HHATL: variants seen among roughly 807,000 people sequenced by gnomAD.
The protein encoded by HHATL is hedgehog acyltransferase like.
In HHATL, 49 loss-of-function variants were observed where a neutral mutation model predicts 59.7. The observed-to-expected ratio is 0.82, with a 90% CI of 0.65 to 1.04. HHATL has a LOEUF of 1.04. Among genes scored for constraint, HHATL ranks in the 50% least tolerant of loss-of-function variants. HHATL has a pLI of 0.00. For synonymous variants in HHATL, 238 were observed against 257.3 expected (o/e 0.93, Z 0.72); for missense variants, 605 against 650.8 (o/e 0.93, Z 0.77).
chr3:42,693,778 T>C lies in HHATL; in HGVS notation c.1087A>G (p.Ile363Val). 6.2e-7 allele frequency: 1 copy of C among 1,614,102 alleles called. No homozygotes were observed. The highest frequency in any genetic ancestry group is 1.7e-4 in the Middle Eastern group (1 of 6,042). The change falls in exon 10 of 12, where the codon ATC (isoleucine) becomes GTC (valine). Residue 363 changes from isoleucine to valine, a missense_variant. By Grantham distance (29) the Ile-to-Val change is conservative (BLOSUM62 3). Transcript: ENST00000441594. ...GCCACTGTGGCTGCCAGCTCTGGGA[T>C]CACAGCGGAATGCTCCCCACCAATG... ...NHIGGEHSAV[I>V]PELAATVATF...
rs776383535 is a variant in HHATL at position 42,697,593 on chromosome 3, G to C, written c.780C>G (p.Ala260=). 1.9e-6 allele frequency: 3 copies of C among 1,614,184 alleles called. No homozygotes were observed. Among genetic ancestry groups the C allele is most frequent in the Admixed American group, 1.7e-5 (1 of 60,024 alleles). The change falls in exon 7 of 12, where the codon GCC becomes GCG. Residue 260 remains alanine (A), a synonymous_variant. Coordinates refer to ENST00000441594, the MANE Select transcript of HHATL (RefSeq NM_020707.4). The part of the protein sequence containing the change: ...QAGLSVVAIM[A]VDIFFHFFYI... ...AGAAGAAGTGAAAGAAGATGTCGAC[G>C]GCCATGATGGCCACCACGCTTAGGC... is the stretch of plus-strand genomic sequence containing the variant.
At chr3:42,697,208 C>T (rs934548813) in intron 7 of HHATL, 63 bp from the exon 8 acceptor site, 1 of 1,496,144 alleles carries the variant, frequency 6.7e-7, no homozygotes, top group Admixed American at 2.4e-5. Flanking sequence ...CCATGAAGAC[C>T]CTGTCCCACC....
In HHATL at chr3:42,699,811, TC is replaced by T; in HGVS notation, c.120del (p.Lys41ArgfsTer26). On this transcript the variant is annotated frameshift_variant, in exon 3 of 12. Coordinates refer to ENST00000441594, the MANE Select transcript of HHATL (RefSeq NM_020707.4). LOFTEE classifies it high-confidence loss of function. ...GGTCGCACAGACTCCCGGAAGGCCT[TC>T]CTGTGGGCCCCATCTGAGAACAGAG... ...LLEASQDGAH[R>X]KAFRESVRPG... 6.4e-7 allele frequency: 1 copy of T among 1,566,478 alleles called. No individual in the cohort carries two copies.
At chr3:42,699,174 G>C in intron 3 of HHATL, 29 bp from the exon 4 acceptor site, 1 of 1,550,522 alleles carries the variant, frequency 6.4e-7, no homozygotes, top group South Asian at 1.1e-5. Context: ...GAAGGAGGTG[G>C]GGCAGGTGAG....
At position 42,702,242 on chromosome 3, in the gene HHATL, A is replaced by G. The variant is rs370237936; in HGVS notation, c.-14+337T>C. Among the ~76,000 whole-genome samples, 14 of 152,290 alleles carry G rather than the reference A, an allele frequency of 9.2e-5. No individual in the cohort carries two copies. The South Asian group carries it at 1.7e-3, about 18-fold the overall frequency. On this transcript the variant is annotated intron_variant, in intron 1 of 11. Transcript: ENST00000441594. ...CTGGGGATCAGGTTAATGGAGCAGG[A>G]GCTTGAAACCGGAGCATGGTGAAGA... is the stretch of plus-strand genomic sequence containing the variant.
chr3:42,698,779 G>T lies in HHATL; in HGVS notation c.412C>A (p.Pro138Thr), dbSNP rs1052695693. ...GLYVASLLGQ[P>T]WLCLGLGLAS... Reference sequence around the variant, plus strand: ...AAGCCAAGGCCAAGACAGAGCCAGGGCTGGCCCAAAAGCGAGGCCACATAG... The same window carrying T: ...AAGCCAAGGCCAAGACAGAGCCAGGTCTGGCCCAAAAGCGAGGCCACATAG... Residue 138 changes from proline (P) to threonine (T), a missense_variant, in exon 5 of 12, where the codon CCC becomes ACC. Pro to Thr is a conservative substitution (Grantham distance 38). Coordinates refer to ENST00000441594, the MANE Select transcript of HHATL (RefSeq NM_020707.4). 5 of 1,612,522 alleles carry T rather than the reference G, an allele frequency of 3.1e-6. No homozygotes were observed. Among genetic ancestry groups the T allele is most frequent in the Non-Finnish European group, 4.2e-6 (5 of 1,179,474 alleles).
chr3:42,699,142 CA>C lies in HHATL; in HGVS notation c.177del (p.Asp59GlufsTer8), dbSNP rs1183935814. On this transcript the variant is annotated frameshift_variant and splice_region_variant, in exon 4 of 12. Transcript: ENST00000441594. LOFTEE classifies it high-confidence loss of function. The part of the protein sequence containing the change: ...PGWEYIGRKM[D>X]VADFEWVMWF... The stretch of plus-strand genomic sequence containing the variant: ...CACATCACCCACTCGAAGTCAGCCA[CA>C]TCCTGGGGCAGTCCGGGGCAGAAGG... 4.3e-6 allele frequency: 7 copies of C among 1,613,144 alleles called. No individual in the cohort carries two copies. Among genetic ancestry groups the C allele is most frequent in the Non-Finnish European group, 5.9e-6 (7 of 1,179,258 alleles).
intron 1 of HHATL, among the ~76,000 whole-genome samples, chr3:42,702,198 G>A (rs547109379): frequency 6.6e-4 from 100 of 152,336 alleles, no homozygotes; most frequent in African/African-American, 2.3e-3. Context: ...CTCATCAGTT[G>A]GGTGGGGGTG....
intron 11 of HHATL, 62 bp downstream of exon 11, chr3:42,693,015 A>G (rs568800153): frequency 6.2e-7 from 1 of 1,602,646 alleles, no homozygotes; most frequent in African/African-American, 1.3e-5. Context: ...GCATTTTGGA[A>G]GGTCACGGTC....
rs1266477179 is a variant in HHATL at position 42,692,884 on chromosome 3, G to A, written c.1391-9C>T. On this transcript the variant is annotated splice_polypyrimidine_tract_variant and intron_variant, in intron 11 of 11. Coordinates refer to ENST00000441594, the MANE Select transcript of HHATL (RefSeq NM_020707.4). ...CGTGGTCTGGGGGAACCCTGTGTGG[G>A]GAGGGAGTCATAGATGCTCAGGAGC... 1 of 1,613,720 alleles carries A rather than the reference G, an allele frequency of 6.2e-7. No homozygotes were observed. The highest frequency in any genetic ancestry group is 1.7e-5 in the Admixed American group (1 of 60,022).
chr3:42,699,730 G>A, intron 3 of HHATL, 28 bp downstream of exon 3: 1 of 1,559,110 alleles, frequency 6.4e-7, no homozygotes, highest in Admixed American at 1.9e-5. Context: ...TTCGGGATGG[G>A]AGGGACCCTG....
chr3:42,697,776 T>TGGCTTTATCCA, intron 6 of HHATL, 97 bp from the exon 7 acceptor site: 2 of 1,304,030 alleles, frequency 1.5e-6, no homozygotes, highest in Non-Finnish European at 1.1e-6. Flanking sequence ...GGAGGAGCCA[T>TGGCTTTATCCA]GGCTTTATCC....
At position 42,699,803 on chromosome 3, in the gene HHATL, G is replaced by A; in HGVS notation, c.129C>T (p.Phe43=). The part of the protein sequence containing the change: ...ASQDGAHRKA[F]RESVRPGWEY... ...CCCAGCCAGGTCGCACAGACTCCCG[G>A]AAGGCCTTCCTGTGGGCCCCATCTG... Residue 43 remains phenylalanine, a synonymous_variant, in exon 3 of 12, where the codon TTC becomes TTT. Coordinates refer to ENST00000441594, the MANE Select transcript of HHATL (RefSeq NM_020707.4). 2 of 1,571,314 alleles carry A rather than the reference G, an allele frequency of 1.3e-6. No individual in the cohort carries two copies. Among genetic ancestry groups the A allele is most frequent in the South Asian group, 2.3e-5 (2 of 85,354 alleles).
Position 42,693,712 on chromosome 3 carries a change from T to C in HHATL, c.1153A>G (p.Ile385Val), listed in dbSNP as rs138118773. The change falls in exon 10 of 12, where the codon ATT becomes GTT. Residue 385 changes from isoleucine to valine, a missense_variant. Physicochemically the swap from Ile to Val is conservative, Grantham distance 29 (BLOSUM62 3). Transcript: ENST00000441594. Reference sequence around the variant, plus strand: ...TTAAGGAATGACCACAGGTAGACAATGTCACAAGGCCCAAGCCACAGTGTG... The same window carrying C: ...TTAAGGAATGACCACAGGTAGACAACGTCACAAGGCCCAAGCCACAGTGTG... ...ITTLWLGPCD[I>V]VYLWSFLNCF... 1.8e-5 allele frequency: 29 copies of C among 1,614,006 alleles called. No individual in the cohort carries two copies. The highest frequency in any genetic ancestry group is 2.4e-5 in the Non-Finnish European group (28 of 1,180,012).
rs1451288213 is a variant in HHATL at position 42,692,916 on chromosome 3, G to A, written c.1391-41C>T. 3 of 1,596,372 alleles carry A rather than the reference G, an allele frequency of 1.9e-6. No individual in the cohort carries two copies. In the East Asian group the frequency reaches 6.7e-5, roughly 36 times the overall value. Reference sequence around the variant, plus strand: ...GTCATAGATGCTCAGGAGCAGCACTGCATCCTCAGCGACTTTTGTCTTCCC... The same window carrying A: ...GTCATAGATGCTCAGGAGCAGCACTACATCCTCAGCGACTTTTGTCTTCCC... On this transcript the variant is annotated intron_variant, in intron 11 of 11. Coordinates refer to ENST00000441594, the MANE Select transcript of HHATL (RefSeq NM_020707.4).
intron 6 of HHATL, 71 bp from the exon 7 acceptor site, chr3:42,697,750 C>T: frequency 1.3e-6 from 2 of 1,498,008 alleles, no homozygotes; most frequent in Non-Finnish European, 9.1e-7. Flanking sequence ...GGGGGGCTCA[C>T]CAACTACTTG....
rs755491743 is a variant in HHATL, at chr3:42,693,660, C to A, written c.1205G>T (p.Trp402Leu). ...CCCCCACTCTGCCAGTTTTTGCATC[C>A]AGAGCTCAAAGTTGAGGCCAAAGCA... is the stretch of plus-strand genomic sequence containing the variant. ...LNCFGLNFEL[W>L]MQKLAEWGPL... is the part of the protein sequence containing the mutation. Residue 402 changes from tryptophan (W) to leucine (L), a missense_variant, in exon 10 of 12, where the codon TGG becomes TTG. By Grantham distance (61) the Trp-to-Leu change is moderately conservative (BLOSUM62 -2). Transcript: ENST00000441594. 6.2e-7 allele frequency: 1 copy of A among 1,614,122 alleles called. No homozygotes were observed. The highest frequency in any genetic ancestry group is 1.1e-5 in the South Asian group (1 of 91,068).
chr3:42,696,326 C>T (rs1697608233), intron 9 of HHATL, among the ~76,000 whole-genome samples: 1 of 152,142 alleles, frequency 6.6e-6, no homozygotes, highest in African/African-American at 2.4e-5. Flanking sequence ...TCTCACACCA[C>T]TCCCTCTCCT....
chr3:42,694,228 T>G, intron 9 of HHATL: 1 of 213,858 alleles, frequency 4.7e-6, no homozygotes, highest in Non-Finnish European at 9.6e-6. Flanking sequence ...CCACCATCCA[T>G]TCAGTTGCTC....
Sources: allele counts gnomAD v4.1 joint callset (sites outside exome capture counted in the v4.1 genomes callset), GRCh38; gene constraint gnomAD v4.1.1; transcripts MANE v1.5; gene names NCBI Gene and HGNC (gene_info 2026-07-23, HGNC 2026-07-21).